RBM44: variants seen among roughly 807,000 people sequenced by gnomAD.
RBM44 encodes the protein RNA-binding protein 44.
Under a neutral mutation model 105.1 loss-of-function variants are expected in RBM44, and 66 were observed. The observed-to-expected ratio is 0.63, with a 90% confidence interval of 0.52 to 0.77. RBM44 has a LOEUF of 0.77. RBM44 is among the 30% of genes least tolerant of loss of function. The pLI is 0.00. For missense variants in RBM44, 1,122 were observed against 1,207.8 expected (o/e 0.93, Z 1.05); for synonymous variants, 365 against 417.6 (o/e 0.87, Z 1.54).
intron 12 of RBM44, among the ~76,000 whole-genome samples, chr2:237,828,770 A>G (rs1343851900): frequency 6.6e-6 from 1 of 152,174 alleles, no homozygotes; most frequent in Non-Finnish European, 1.5e-5. Context: ...CTACAAGGTC[A>G]TAAAGATACA....
intron 1 of RBM44, among the ~76,000 whole-genome samples, 161 bp downstream of exon 1, chr2:237,799,022 G>A (rs2061516000): frequency 6.6e-6 from 1 of 152,098 alleles, no homozygotes; most frequent in African/African-American, 2.4e-5. Context: ...CGGCGGTGTA[G>A]GCGAGGCCAG....
intron 13 of RBM44, among the ~76,000 whole-genome samples, chr2:237,831,276 G>T (rs909415491): frequency 5.8e-5 from 8 of 137,526 alleles, no homozygotes; most frequent in Non-Finnish European, 1.1e-4. Flanking sequence ...GTTTTTGTTT[G>T]TTTTGTTTTG....
intron 7 of RBM44, 77 bp from the exon 8 acceptor site, chr2:237,821,666 T>C (rs1209824974): frequency 2.1e-5 from 21 of 1,002,412 alleles, no homozygotes; most frequent in Non-Finnish European, 2.9e-5. Context: ...CTTTGAAATA[T>C]ACATTGTAGT....
chr2:237,827,322 T>A lies in RBM44; in HGVS notation c.2522T>A (p.Val841Glu). ...CATGTTGGTGGCCTCTGCCCTTCAG[T>A]ATCTGAGGTATACCAGGATTATTTT... is the stretch of plus-strand genomic sequence containing the variant. ...LIHVGGLCPSVSEADLRSHFQ... is the reference protein window; with the variant it reads ...LIHVGGLCPSESEADLRSHFQ... Residue 841 changes from valine (V) to glutamate (E), a missense_variant, in exon 11 of 16, where the codon GTA becomes GAA. Transcript: ENST00000316997. 6.4e-7 allele frequency: 1 copy of A among 1,564,114 alleles called. No homozygotes were observed. Among genetic ancestry groups the A allele is most frequent in the Middle Eastern group, 1.7e-4 (1 of 5,982 alleles).
At position 237,807,092 on chromosome 2, in the gene RBM44, G is replaced by A. The variant is rs145025625; in HGVS notation, c.-18-6500G>A. Among the ~76,000 whole-genome samples, 837 of 152,096 alleles carry A rather than the reference G, an allele frequency of 5.5e-3. 2 individuals carry two copies. The highest frequency in any genetic ancestry group is 7.4e-3 in the Non-Finnish European group (506 of 67,986). ...CTTCATTTAAGTTTTTAATAATAAG[G>A]ATAATGACAGGCTAAGTAATTCAGG... On this transcript the variant is annotated intron_variant, in intron 1 of 15. Coordinates refer to ENST00000316997, the MANE Select transcript of RBM44 (RefSeq NM_001080504.3).
At chr2:237,806,643 G>A (rs2061601748) in intron 1 of RBM44, among the ~76,000 whole-genome samples, 1 of 152,126 alleles carries the variant, frequency 6.6e-6, no homozygotes, top group Admixed American at 6.6e-5. Context: ...AGGCTAAGGC[G>A]TTAGAAATTG....
chr2:237,819,966 A>G (rs1487894303), intron 4 of RBM44, among the ~76,000 whole-genome samples: 1 of 151,996 alleles, frequency 6.6e-6, no homozygotes, highest in Non-Finnish European at 1.5e-5. Context: ...AGAATTGTTT[A>G]CTTCCTGGAC....
In RBM44 at chr2:237,821,268, T is replaced by C. The variant is rs375876261; in HGVS notation, c.2097+14T>C. Reference sequence around the variant, plus strand: ...TTTGCTTCCAGGGTATGTATATATGTTTTAGAAATAAAAAATTTTACTTCA... The same window carrying C: ...TTTGCTTCCAGGGTATGTATATATGCTTTAGAAATAAAAAATTTTACTTCA... On this transcript the variant is annotated intron_variant, in intron 6 of 15. Coordinates refer to ENST00000316997, the MANE Select transcript of RBM44 (RefSeq NM_001080504.3). 6 of 1,564,788 alleles carry C rather than the reference T, an allele frequency of 3.8e-6. No individual in the cohort carries two copies. The highest frequency in any genetic ancestry group is 5.2e-6 in the Non-Finnish European group (6 of 1,156,080).
At position 237,803,350 on chromosome 2, in the gene RBM44, TTCTC is replaced by T. The variant is rs1022484451; in HGVS notation, c.-19+4494_-19+4497del. Among the ~76,000 whole-genome samples the T allele has an allele frequency of 1.1e-4, 17 of 150,056 alleles. No individual in the cohort carries two copies. The highest frequency in any genetic ancestry group is 2.0e-4 in the East Asian group (1 of 5,044). On this transcript the variant is annotated intron_variant, in intron 1 of 15. Coordinates refer to ENST00000316997, the MANE Select transcript of RBM44 (RefSeq NM_001080504.3). This position sits in a 1 kb window ranked among gnomAD's most constrained non-coding sequence, Gnocchi z 4.2. ...TCTCTCTCACACACACACACATACTTTCTCTCTCACTCACACACACACACACAAA... is the reference window on the plus strand; with the variant it reads ...TCTCTCTCACACACACACACATACTTTCTCACTCACACACACACACACAAA...
chr2:237,801,040 G>A (rs1375052327), intron 1 of RBM44, among the ~76,000 whole-genome samples: 1 of 152,098 alleles, frequency 6.6e-6, no homozygotes, highest in Non-Finnish European at 1.5e-5. Flanking sequence ...TACTTTTTAA[G>A]AATATGAAGA....
At position 237,821,152 on chromosome 2, in the gene RBM44, G is replaced by A. The variant is rs1559915253; in HGVS notation, c.1995G>A (p.Val665=). 1 of 1,611,188 alleles carries A rather than the reference G, an allele frequency of 6.2e-7. No individual in the cohort carries two copies. Among genetic ancestry groups the A allele is most frequent in the East Asian group, 2.2e-5 (1 of 44,820 alleles). ...SLLGDLKVRY[V]TLKEKIHKGI... is the part of the protein sequence containing the mutation. ...TGGGGGACTTAAAAGTTAGATATGT[G>A]ACTTTGAAAGAAAAAATACACAAAG... Residue 665 remains valine, a synonymous_variant, in exon 6 of 16, where the codon GTG becomes GTA. Transcript: ENST00000316997.
At position 237,836,553 on chromosome 2, in the gene RBM44, G is replaced by A. The variant is rs74381061; in HGVS notation, c.*22+2130G>A. Among the ~76,000 whole-genome samples the A allele has an allele frequency of 3.9e-3, 594 of 152,170 alleles. 3 individuals are homozygous for A. The highest frequency in any genetic ancestry group is 0.014 in the African/African-American group (568 of 41,518). ...TCCCAGCACTTTGGGAGGCCGAGGCGGGTGGATCACAAGGTCAAGAGATCG... is the reference window on the plus strand; with the variant it reads ...TCCCAGCACTTTGGGAGGCCGAGGCAGGTGGATCACAAGGTCAAGAGATCG... On this transcript the variant is annotated intron_variant, in intron 15 of 15. Coordinates refer to ENST00000316997, the MANE Select transcript of RBM44 (RefSeq NM_001080504.3).
At chr2:237,814,737 ATGT>A (rs569954553) in intron 2 of RBM44, among the ~76,000 whole-genome samples, 152 of 152,284 alleles carry the variant, frequency 1.0e-3, no homozygotes, top group Middle Eastern at 3.4e-3. Context: ...TATGATAAAG[ATGT>A]TGTTTCAGCT....
At chr2:237,826,605 A>G (rs986749440) in intron 10 of RBM44, among the ~76,000 whole-genome samples, 1 of 152,158 alleles carries the variant, frequency 6.6e-6, no homozygotes, top group African/African-American at 2.4e-5. Flanking sequence ...CTCTCAGACC[A>G]CTAGCTCTAG....
At chr2:237,811,081 A>T (rs1308304949) in intron 1 of RBM44, among the ~76,000 whole-genome samples, 1 of 152,072 alleles carries the variant, frequency 6.6e-6, no homozygotes, top group African/African-American at 2.4e-5. Flanking sequence ...AGGAAAAAAA[A>T]TGACAAGACG....
In RBM44 at chr2:237,834,308, G is replaced by T. The variant is rs371137356; in HGVS notation, c.3063G>T (p.Val1021=). The T allele has an allele frequency of 3.2e-6, 5 of 1,581,094 alleles. No individual in the cohort carries two copies. The African/African-American group carries it at 6.8e-5, about 21-fold the overall frequency. The change falls in exon 15 of 16, where the codon GTG becomes GTT. Residue 1021 remains valine, a synonymous_variant. Coordinates refer to ENST00000316997, the MANE Select transcript of RBM44 (RefSeq NM_001080504.3). ...RDHIINALQE[V]RIRHKGFLNG... Reference sequence around the variant, plus strand: ...ATATTATAAATGCACTTCAGGAAGTGAGAATAAGACATAAAGGTTTTCTGA... The same window carrying T: ...ATATTATAAATGCACTTCAGGAAGTTAGAATAAGACATAAAGGTTTTCTGA...
chr2:237,809,954 AC>A (rs1176006603), intron 1 of RBM44, among the ~76,000 whole-genome samples: 17 of 152,154 alleles, frequency 1.1e-4, no homozygotes, highest in Non-Finnish European at 2.2e-4. Context: ...AAATAAAAAA[AC>A]CTTTTTGACT....
At chr2:237,839,719 A>G (rs1165025118) in intron 15 of RBM44, among the ~76,000 whole-genome samples, 2 of 152,362 alleles carry the variant, frequency 1.3e-5, no homozygotes, top group Middle Eastern at 3.4e-3. Flanking sequence ...AAACTTTTGC[A>G]GTATTGGATT....
intron 1 of RBM44, among the ~76,000 whole-genome samples, chr2:237,801,728 TG>T (rs755659579): frequency 1.3e-4 from 20 of 152,218 alleles, no homozygotes; most frequent in Admixed American, 3.9e-4. Flanking sequence ...CCTCTTAAAT[TG>T]GGATGCTCTA....
Sources: gnomAD v4.1 joint callset for allele counts (sites outside exome capture counted in the v4.1 genomes callset) on GRCh38, gnomAD v4.1.1 for gene constraint, Gnocchi (gnomAD v3.1) non-coding constraint, MANE v1.5 for transcripts, NCBI Gene and HGNC (gene_info 2026-07-23, HGNC 2026-07-21) for gene names.